Variants in CATSPERG observed in about 807,000 individuals in gnomAD.
CATSPERG encodes the protein cation channel sperm-associated auxiliary subunit gamma.
CATSPERG carries 115 observed loss-of-function variants against 145.0 expected under a neutral mutation model. The observed-to-expected ratio is 0.79, with a 90% CI of 0.68 to 0.93. CATSPERG has a LOEUF of 0.93. CATSPERG is among the 40% of genes least tolerant of loss of function. The probability of loss-of-function intolerance (pLI) is 0.00; values close to 1 mark genes in which losing one functional copy is unlikely to be tolerated. For missense variants in CATSPERG, 1,296 were observed against 1,490.1 expected, an observed-to-expected ratio of 0.87 and a Z score of 2.14; for synonymous variants, 588 against 589.0, an observed-to-expected ratio of 1.00 and a Z score of 0.02.
intron 7 of CATSPERG, among the ~76,000 whole-genome samples, chr19:38,348,093 A>G (rs1455030098): frequency 6.6e-6 from 1 of 152,122 alleles, no homozygotes; most frequent in Non-Finnish European, 1.5e-5. Context: ...TTTGTGGACC[A>G]TCTTCCTGTC....
chr19:38,350,765 G>A (rs914637734), intron 7 of CATSPERG, among the ~76,000 whole-genome samples: 1 of 152,194 alleles, frequency 6.6e-6, no homozygotes, highest in African/African-American at 2.4e-5. Flanking sequence ...AAGGTGAGCA[G>A]ATCACTTGAG....
In CATSPERG at chr19:38,361,736, C is replaced by T; in HGVS notation, c.1969C>T (p.Gln657Ter). 8 of 1,613,180 alleles carry T rather than the reference C, an allele frequency of 5.0e-6. No homozygotes were observed. Among genetic ancestry groups the T allele is most frequent in the Middle Eastern group, 1.7e-4 (1 of 6,060 alleles). ...SLPSPQRYTR[Q>*]ERYRARPPRV... ...GCCCAGTCCGCAGAGATACACGCGCCAGGAGCGCTACCGGGCGCGGCCGCC... is the reference window on the plus strand; with the variant it reads ...GCCCAGTCCGCAGAGATACACGCGCTAGGAGCGCTACCGGGCGCGGCCGCC... The change falls in exon 17 of 29, where the codon CAG (glutamine) becomes TAG (stop). Residue 657 changes from glutamine (Q) to a stop codon, truncating the protein, a stop_gained. Coordinates refer to ENST00000409235, the MANE Select transcript of CATSPERG (RefSeq NM_021185.5). LOFTEE classifies it high-confidence loss of function.
intron 6 of CATSPERG, among the ~76,000 whole-genome samples, chr19:38,344,591 T>G (rs907039391): frequency 6.6e-6 from 1 of 151,942 alleles, no homozygotes; most frequent in Non-Finnish European, 1.5e-5. Flanking sequence ...ATGGAACCAT[T>G]TTCCCATAGT....
chr19:38,365,407 A>T, intron 22 of CATSPERG: 2 of 344,746 alleles, frequency 5.8e-6, no homozygotes. Context: ...AGTAGCTGGG[A>T]TTATAGGCGC....
intron 13 of CATSPERG, among the ~76,000 whole-genome samples, chr19:38,359,197 G>C (rs1239528056): frequency 1.3e-5 from 2 of 151,982 alleles, no homozygotes; most frequent in Non-Finnish European, 2.9e-5. Context: ...CCCCACCCCA[G>C]CCACCCTCTC....
At chr19:38,338,054 G>A (rs964080433) in intron 3 of CATSPERG, among the ~76,000 whole-genome samples, 49 of 152,012 alleles carry the variant, frequency 3.2e-4, no homozygotes, top group Admixed American at 8.5e-4. Context: ...CAACCCTGGT[G>A]GCTTTAAGGA....
intron 1 of CATSPERG, chr19:38,336,097 G>A: frequency 2.4e-6 from 1 of 424,480 alleles, no homozygotes; most frequent in South Asian, 1.6e-5. Flanking sequence ...CGAAGGGCGG[G>A]GCGGGGCAGG....
chr19:38,364,980 C>T lies in CATSPERG; in HGVS notation c.2556+9C>T, dbSNP rs1970422888. On this transcript the variant is annotated intron_variant, in intron 21 of 28. Transcript: ENST00000409235. ...CTTCCATGACGGTCAATGTGAGGTCCAAGCCTGGAGGGGAGGGTGCAGGAT... is the reference window on the plus strand; with the variant it reads ...CTTCCATGACGGTCAATGTGAGGTCTAAGCCTGGAGGGGAGGGTGCAGGAT... 2 of 1,613,706 alleles carry T rather than the reference C, an allele frequency of 1.2e-6. No individual in the cohort carries two copies.
chr19:38,370,350 T>C lies in CATSPERG; in HGVS notation c.3213+92T>C, dbSNP rs2286548. 5.1e-3 allele frequency: 7,179 copies of C among 1,416,702 alleles called. 141 individuals carry two copies. The highest frequency in any genetic ancestry group is 0.05 in the East Asian group (2,163 of 43,420). 87.8% of individuals were successfully genotyped at this position (1,416,702 alleles called of 1,614,324 possible). A position where few individuals can be genotyped will look rare whatever the true frequency, so the allele number is the denominator to read the frequency against. On this transcript the variant is annotated intron_variant, in intron 28 of 28. Transcript: ENST00000409235. ...TTATACCTTCGCTCATTCATTCCTT[T>C]ATTCACTCATCTAGCCATGCTGACT...
intron 3 of CATSPERG, among the ~76,000 whole-genome samples, chr19:38,342,216 AAAATAAATAAAT>A (rs202060544): frequency 2.8e-4 from 42 of 148,630 alleles, no homozygotes; most frequent in Admixed American, 6.2e-4. Flanking sequence ...TCCCATGTAA[AAAATAAATAAAT>A]AAATAAATAA....
At chr19:38,362,031 G>C in intron 17 of CATSPERG, 170 bp downstream of exon 17, 1 of 926,956 alleles carries the variant, frequency 1.1e-6, no homozygotes, top group Non-Finnish European at 1.6e-6. Flanking sequence ...GACTTCCAGG[G>C]GAAGGCGTTG....
At chr19:38,342,600 GAA>G (rs756886890) in intron 3 of CATSPERG, among the ~76,000 whole-genome samples, 31 of 105,350 alleles carry the variant, frequency 2.9e-4, no homozygotes, top group Non-Finnish European at 2.8e-4. Flanking sequence ...ACTCCTTCTT[GAA>G]AAAAAAAAAA....
At chr19:38,365,861 C>T (rs1970439949) in intron 22 of CATSPERG, 1 of 152,166 alleles carries the variant, frequency 6.6e-6, no homozygotes, top group Non-Finnish European at 1.5e-5. Flanking sequence ...TTGCATACCA[C>T]CATGCCTAGC....
chr19:38,360,333 C>T lies in CATSPERG; in HGVS notation c.1609-156C>T, dbSNP rs182903865. 1.4e-4 allele frequency: 142 copies of T among 985,306 alleles called. No individual in the cohort carries two copies. In the African/African-American group the frequency reaches 2.2e-3, roughly 15 times the overall value. 61.0% of individuals were successfully genotyped at this position (985,306 alleles called of 1,614,324 possible). On this transcript the variant is annotated intron_variant, in intron 14 of 28. Transcript: ENST00000409235. The stretch of plus-strand genomic sequence containing the variant: ...TCAGGGAAGTAGAGCCGTGGCACCA[C>T]AGAGAAAAGGAAGGGGAGCGCCCTT...
chr19:38,347,028 T>C (rs1970052471), intron 7 of CATSPERG, among the ~76,000 whole-genome samples: 1 of 151,974 alleles, frequency 6.6e-6, no homozygotes, highest in Non-Finnish European at 1.5e-5. Context: ...CTGGACAACA[T>C]AGTGAGACCC....
Position 38,369,934 on chromosome 19 carries a change from A to G in CATSPERG, c.3021-38A>G, listed in dbSNP as rs765890329. 6.9e-6 allele frequency: 11 copies of G among 1,599,768 alleles called. No individual in the cohort carries two copies. The Admixed American group carries it at 1.7e-4, about 24-fold the overall frequency. On this transcript the variant is annotated intron_variant, in intron 26 of 28. Coordinates refer to ENST00000409235, the MANE Select transcript of CATSPERG (RefSeq NM_021185.5). ...AATTGGGAGTTGGCACAGACTAGGC[A>G]TGGTTGGTAGCACAACTGCCTGATC...
intron 2 of CATSPERG, 42 bp from the exon 3 acceptor site, chr19:38,337,551 C>T (rs1969862823): frequency 6.4e-7 from 1 of 1,551,914 alleles, no homozygotes; most frequent in Non-Finnish European, 8.7e-7. Flanking sequence ...TGAACCCGCA[C>T]TCCACTCATT....
At position 38,356,733 on chromosome 19, in the gene CATSPERG, C is replaced by A; in HGVS notation, c.1196-9C>A. 1 of 1,613,956 alleles carries A rather than the reference C, an allele frequency of 6.2e-7. No homozygotes were observed. The highest frequency in any genetic ancestry group is 1.7e-5 in the Admixed American group (1 of 60,010). ...TGGGGCGGCTCTGGACTGCCCCTTT[C>A]CCTCTCAGTTACCACCTGCTCCATA... On this transcript the variant is annotated splice_polypyrimidine_tract_variant and intron_variant, in intron 10 of 28. Transcript: ENST00000409235.
chr19:38,363,816 G>T (rs2145106082), intron 20 of CATSPERG, among the ~76,000 whole-genome samples: 1 of 152,320 alleles, frequency 6.6e-6, no homozygotes, highest in South Asian at 2.1e-4. Flanking sequence ...CAAGGCAGAA[G>T]AATTTTTCCC....
Sources: allele counts gnomAD v4.1 joint callset (sites outside exome capture counted in the v4.1 genomes callset), GRCh38; gene constraint gnomAD v4.1.1; transcripts MANE v1.5; gene names NCBI Gene and HGNC (gene_info 2026-07-23, HGNC 2026-07-21).